The following JPH3 variants were observed in gnomAD, a reference collection of about 807,000 sequenced individuals.
The protein encoded by JPH3 is junctophilin-3.
In JPH3, 11 loss-of-function variants were observed where a neutral mutation model predicts 59.6. That is an observed-to-expected ratio of 0.18 (90% CI 0.12 to 0.31). The LOEUF is 0.31. Ranked by LOEUF, JPH3 falls within the 10% of genes least tolerant of loss-of-function variation. The pLI is 1.00. For synonymous variants in JPH3, 673 were observed against 483.6 expected (o/e 1.39, Z -5.14); for missense variants, 1,202 against 1,105.7 (o/e 1.09, Z -1.24).
intron 4 of JPH3, chr16:87,695,160 G>C (rs1172453618): frequency 2.7e-6 from 1 of 369,244 alleles, no homozygotes; most frequent in South Asian, 2.0e-5. Flanking sequence ...TTGTGGGTGG[G>C]GGGAAGGGGG....
chr16:87,657,897 C>T (rs994154392), intron 2 of JPH3, among the ~76,000 whole-genome samples: 1 of 152,164 alleles, frequency 6.6e-6, no homozygotes, highest in African/African-American at 2.4e-5. Flanking sequence ...AATGGGGCTT[C>T]AGTGCTGTGG....
At chr16:87,610,759 T>C (rs1261293262) in intron 1 of JPH3, among the ~76,000 whole-genome samples, 1 of 152,158 alleles carries the variant, frequency 6.6e-6, no homozygotes, top group African/African-American at 2.4e-5. Flanking sequence ...GTGTTTCATA[T>C]GAGAAAGATG....
At chr16:87,664,288 G>A (rs991254297) in intron 2 of JPH3, among the ~76,000 whole-genome samples, 36 of 138,208 alleles carry the variant, frequency 2.6e-4, no homozygotes, top group Admixed American at 4.7e-4. Context: ...CCGAGATTGC[G>A]CCACTGCACC....
chr16:87,640,088 G>A (rs992024998), intron 1 of JPH3, among the ~76,000 whole-genome samples: 3 of 152,140 alleles, frequency 2.0e-5, no homozygotes, highest in Non-Finnish European at 4.4e-5. Flanking sequence ...AAGCACTTTG[G>A]GAGGTTGAGG....
At chr16:87,672,196 C>T (rs747729422) in intron 2 of JPH3, among the ~76,000 whole-genome samples, 13 of 151,980 alleles carry the variant, frequency 8.6e-5, no homozygotes, top group African/African-American at 1.9e-4. Context: ...TGAGGGGAGG[C>T]GGCAGCAAGG....
chr16:87,631,751 C>G (rs2031573133), intron 1 of JPH3, among the ~76,000 whole-genome samples: 1 of 152,114 alleles, frequency 6.6e-6, no homozygotes, highest in South Asian at 2.1e-4. Flanking sequence ...TACTGTTTTG[C>G]CTACCTACCT....
At chr16:87,671,549 C>A (rs184362252) in intron 2 of JPH3, among the ~76,000 whole-genome samples, 1 of 152,282 alleles carries the variant, frequency 6.6e-6, no homozygotes, top group East Asian at 1.9e-4. Context: ...GCCCTAATAG[C>A]AGGAGTCACC....
At chr16:87,659,136 G>T (rs111881835) in intron 2 of JPH3, among the ~76,000 whole-genome samples, 2,808 of 152,144 alleles carry the variant, frequency 0.018, 89 homozygotes, top group African/African-American at 0.064. Context: ...CCCTTTGGGA[G>T]GCCAAAGCAG....
chr16:87,615,339 C>G (rs901861670), intron 1 of JPH3, among the ~76,000 whole-genome samples: 2 of 152,228 alleles, frequency 1.3e-5, no homozygotes, highest in Non-Finnish European at 2.9e-5. Flanking sequence ...CACCTCGCCC[C>G]CTTCCGGAGG....
Position 87,685,464 on chromosome 16 carries a change from C to G in JPH3, c.1285+1198C>G, listed in dbSNP as rs372475189. Among the ~76,000 whole-genome samples, 26 of 152,388 alleles carry G rather than the reference C, an allele frequency of 1.7e-4. 1 individual carries two copies. Among genetic ancestry groups the G allele is most frequent in the African/African-American group, 5.5e-4 (23 of 41,602 alleles). On this transcript the variant is annotated intron_variant, in intron 3 of 4. Transcript: ENST00000284262. ...CCCTCAGGCCCTGAGTTTCCTTCTC[C>G]CTGGGGCCCCTCCTTGCCTCGCCCA...
intron 1 of JPH3, among the ~76,000 whole-genome samples, chr16:87,632,600 A>G (rs1229577309): frequency 6.6e-6 from 1 of 152,070 alleles, no homozygotes; most frequent in Non-Finnish European, 1.5e-5. Context: ...CACTAATTTC[A>G]ACAAAATTTT....
intron 1 of JPH3, among the ~76,000 whole-genome samples, chr16:87,642,761 G>A (rs562340863): frequency 9.8e-5 from 15 of 152,356 alleles, no homozygotes; most frequent in Middle Eastern, 3.4e-3. Flanking sequence ...TTGGCATGAG[G>A]AGTCCTGGTT....
At chr16:87,649,195 G>C (rs536143949) in intron 2 of JPH3, among the ~76,000 whole-genome samples, 36 of 152,302 alleles carry the variant, frequency 2.4e-4, no homozygotes, top group African/African-American at 7.7e-4. Context: ...AGTCTCTTCT[G>C]TGTCATTCTC....
At chr16:87,671,807 CAG>C (rs2033023010) in intron 2 of JPH3, among the ~76,000 whole-genome samples, 1 of 152,190 alleles carries the variant, frequency 6.6e-6, no homozygotes, top group Non-Finnish European at 1.5e-5. Context: ...ACTCCAGGCA[CAG>C]GGGACACACC....
At chr16:87,677,468 A>C (rs1172182631) in intron 2 of JPH3, among the ~76,000 whole-genome samples, 1 of 152,224 alleles carries the variant, frequency 6.6e-6, no homozygotes, top group Non-Finnish European at 1.5e-5. Flanking sequence ...CTTATCCAGC[A>C]TAAGAACAGC....
At chr16:87,695,689 G>C (rs1476984826) in intron 4 of JPH3, 2 of 453,830 alleles carry the variant, frequency 4.4e-6, no homozygotes, top group Non-Finnish European at 8.8e-6. Flanking sequence ...ACCCACCCCT[G>C]CCGTCCTGGG....
intron 2 of JPH3, among the ~76,000 whole-genome samples, chr16:87,680,604 G>A (rs932085587): frequency 6.6e-6 from 1 of 152,218 alleles, no homozygotes; most frequent in Non-Finnish European, 1.5e-5. Context: ...GTGCAGGGGT[G>A]GGGGGCCCCA....
chr16:87,692,834 A>G (rs757593979), intron 4 of JPH3, among the ~76,000 whole-genome samples: 35 of 152,314 alleles, frequency 2.3e-4, no homozygotes, highest in Non-Finnish European at 3.7e-4. Context: ...GCCCTCGCCC[A>G]CAGCGTCCGT....
chr16:87,632,765 C>T (rs1279033740), intron 1 of JPH3, among the ~76,000 whole-genome samples: 1 of 152,094 alleles, frequency 6.6e-6, no homozygotes, highest in African/African-American at 2.4e-5. Flanking sequence ...TGGAGGTGTG[C>T]ACTTGTAATC....
Sources: allele counts gnomAD v4.1 joint callset (sites outside exome capture counted in the v4.1 genomes callset), GRCh38; gene constraint gnomAD v4.1.1; transcripts MANE v1.5; gene names NCBI Gene and HGNC (gene_info 2026-07-23, HGNC 2026-07-21).